DNASE1: variants seen among roughly 807,000 people sequenced by gnomAD.
DNASE1 encodes deoxyribonuclease 1.
In DNASE1, 40 loss-of-function variants were observed where a neutral mutation model predicts 33.9. The ratio of observed to expected loss-of-function variants is 1.18; its 90% CI spans 0.92 to 1.54. DNASE1 has a LOEUF of 1.54. Ranked by LOEUF, DNASE1 falls within the 40% of genes most tolerant of loss-of-function variation. The pLI is 0.00. For missense variants in DNASE1, 518 were observed against 372.6 expected (o/e 1.39, Z -3.21); for synonymous variants, 216 against 160.0 (o/e 1.35, Z -2.64).
At chr16:3,662,364 G>A, downstream of DNASE1, 2 of 603,532 alleles carry the variant, frequency 3.3e-6, no homozygotes, top group Admixed American at 3.0e-5. Flanking sequence ...GTGCCCCGCT[G>A]CTGCCTCCAG....
Position 3,658,063 on chromosome 16 carries a change from A to C in DNASE1, c.*110A>C, listed in dbSNP as rs987986400. 40 of 1,608,300 alleles carry C rather than the reference A, an allele frequency of 2.5e-5. No homozygotes were observed. The highest frequency in any genetic ancestry group is 8.4e-5 in the Admixed American group (5 of 59,246). ...CGGGTTAAGAAATACCTTTAAATTTAGGTAAATAAAGCTCAAGGAGGTGGG... is the reference window on the plus strand; with the variant it reads ...CGGGTTAAGAAATACCTTTAAATTTCGGTAAATAAAGCTCAAGGAGGTGGG... On this transcript the variant is annotated 3_prime_UTR_variant, in exon 9 of 9. Coordinates refer to ENST00000246949, the MANE Select transcript of DNASE1 (RefSeq NM_005223.4).
At chr16:3,617,643 G>A (rs1381104938) in intron 1 of DNASE1, among the ~76,000 whole-genome samples, 1 of 152,148 alleles carries the variant, frequency 6.6e-6, no homozygotes, top group Non-Finnish European at 1.5e-5. Context: ...AGTGCATAAG[G>A]ATAAGGATGG....
upstream of DNASE1, chr16:3,652,235 C>G (rs3810816): frequency 6.6e-6 from 1 of 152,310 alleles, no homozygotes; most frequent in Non-Finnish European, 1.5e-5. Flanking sequence ...GGGGAACCCT[C>G]GTCCCACGTG....
chr16:3,634,391 G>A (rs922886958), intron 1 of DNASE1, among the ~76,000 whole-genome samples: 1 of 151,462 alleles, frequency 6.6e-6, no homozygotes, highest in Non-Finnish European at 1.5e-5. Context: ...ACCATGCCCG[G>A]CTCATTTTTT....
At chr16:3,650,112 T>C (rs1439540923), upstream of DNASE1, among the ~76,000 whole-genome samples, 1 of 152,232 alleles carries the variant, frequency 6.6e-6, no homozygotes, top group Non-Finnish European at 1.5e-5. Flanking sequence ...TTGTGTGAGT[T>C]AATTCATGGA....
downstream of DNASE1, chr16:3,662,594 A>AC (rs942405344): frequency 3.2e-6 from 2 of 623,298 alleles, no homozygotes; most frequent in Admixed American, 4.2e-5. Context: ...CTTGTTTGGA[A>AC]CCCCCACGTC....
At chr16:3,664,598 T>G (rs1237052410) in exon 10 of DNASE1, 1 of 893,786 alleles carries the variant, frequency 1.1e-6, no homozygotes, top group Non-Finnish European at 1.6e-6. Context: ...GGTAGTGGAC[T>G]CGGGGGTTGT....
In DNASE1 at chr16:3,655,977, G is replaced by A. The variant is rs556854495; in HGVS notation, c.236+40G>A. 3.2e-5 allele frequency: 52 copies of A among 1,612,998 alleles called. No homozygotes were observed. In the Middle Eastern group the frequency reaches 5.0e-4, roughly 15 times the overall value. ...CAGGGTCATAGGAAGGTGACATCTC[G>A]TCCACGGCACAGCCTCACTTCACTT... is the stretch of plus-strand genomic sequence containing the variant. On this transcript the variant is annotated intron_variant, in intron 3 of 8. Coordinates refer to ENST00000246949, the MANE Select transcript of DNASE1 (RefSeq NM_005223.4).
rs371345873 is a variant in DNASE1 at position 3,657,064 on chromosome 16, G to A, written c.502G>A (p.Ala168Thr). ...GGGGGACGCAGTAGCCGAGATCGAC[G>A]CTCTCTATGACGTCTACCTGGATGT... is the stretch of plus-strand genomic sequence containing the variant. ...APGDAVAEIDALYDVYLDVQE... is the reference protein window; with the variant it reads ...APGDAVAEIDTLYDVYLDVQE... The change falls in exon 6 of 9, where the codon GCT becomes ACT. Residue 168 changes from alanine (A) to threonine (T), a missense_variant. Coordinates refer to ENST00000246949, the MANE Select transcript of DNASE1 (RefSeq NM_005223.4). 3.5e-5 allele frequency: 57 copies of A among 1,613,838 alleles called. 1 individual carries two copies. Among genetic ancestry groups the A allele is most frequent in the African/African-American group, 3.1e-4 (23 of 74,868 alleles).
downstream of DNASE1, chr16:3,662,275 CCCCATTA>C: frequency 1.0e-6 from 1 of 968,322 alleles, no homozygotes; most frequent in Non-Finnish European, 1.5e-6. Flanking sequence ...GCTGCTCCCT[CCCCATTA>C]CCCACTAACT....
intron 1 of DNASE1, among the ~76,000 whole-genome samples, chr16:3,626,465 A>G (rs886533377): frequency 1.3e-5 from 2 of 152,232 alleles, no homozygotes; most frequent in African/African-American, 4.8e-5. Context: ...ACTGGTTTCT[A>G]GTTTAATTCC....
intron 1 of DNASE1, among the ~76,000 whole-genome samples, chr16:3,616,122 C>T (rs1033366928): frequency 4.6e-5 from 7 of 152,164 alleles, no homozygotes; most frequent in Non-Finnish European, 8.8e-5. Context: ...AAAAGTTATT[C>T]GAGATGAGTT....
exon 10 of DNASE1, chr16:3,663,133 A>G: frequency 1.5e-6 from 1 of 664,630 alleles, no homozygotes; most frequent in Non-Finnish European, 2.5e-6. Flanking sequence ...AGGATGCTTC[A>G]GGTTGCCTGA....
At chr16:3,649,856 A>G (rs946952190), upstream of DNASE1, among the ~76,000 whole-genome samples, 1 of 151,414 alleles carries the variant, frequency 6.6e-6, no homozygotes, top group Non-Finnish European at 1.5e-5. Context: ...TTTAGGCATG[A>G]CATGGGCCTT....
chr16:3,655,150 C>T lies in DNASE1; in HGVS notation c.-2+106C>T, dbSNP rs1002565795. The T allele has an allele frequency of 4.5e-5, 28 of 620,502 alleles. No individual in the cohort carries two copies. In the African/African-American group the frequency reaches 5.2e-4, roughly 11 times the overall value. 38.4% of individuals were successfully genotyped at this position (620,502 alleles called of 1,614,324 possible). ...CGAGTGAGGCGGAGGCTCCAGCGTC[C>T]CTCCCGGGCGGGTTTTCTGGTGGAT... On this transcript the variant is annotated intron_variant, in intron 1 of 8. Transcript: ENST00000246949.
Position 3,657,058 on chromosome 16 carries a change from ATCGACGC to A in DNASE1, c.499_505del (p.Asp167SerfsTer19). The stretch of plus-strand genomic sequence containing the variant: ...GGCCCCGGGGGACGCAGTAGCCGAG[ATCGACGC>A]TCTCTATGACGTCTACCTGGATGTC... On this transcript the variant is annotated frameshift_variant, in exon 6 of 9. Coordinates refer to ENST00000246949, the MANE Select transcript of DNASE1 (RefSeq NM_005223.4). LOFTEE classifies it high-confidence loss of function. 1 of 1,613,932 alleles carries A rather than the reference ATCGACGC, an allele frequency of 6.2e-7. No homozygotes were observed. Among genetic ancestry groups the A allele is most frequent in the Non-Finnish European group, 8.5e-7 (1 of 1,179,976 alleles).
chr16:3,622,622 T>C (rs2041363286), intron 1 of DNASE1, among the ~76,000 whole-genome samples: 1 of 152,144 alleles, frequency 6.6e-6, no homozygotes, highest in South Asian at 2.1e-4. Context: ...TTAAAAAAAT[T>C]TTTTTTCTTT....
At chr16:3,650,289 G>C (rs995186946), upstream of DNASE1, among the ~76,000 whole-genome samples, 1 of 152,082 alleles carries the variant, frequency 6.6e-6, no homozygotes, top group African/African-American at 2.4e-5. Flanking sequence ...TAGAAACCAC[G>C]AGTTATTAAT....
intron 1 of DNASE1, among the ~76,000 whole-genome samples, chr16:3,626,070 A>T (rs188406608): frequency 2.6e-5 from 4 of 152,312 alleles, no homozygotes; most frequent in Non-Finnish European, 1.5e-5. Context: ...ACTGTACTCC[A>T]GCCTGGGCAG....
Sources: allele counts gnomAD v4.1 joint callset (sites outside exome capture counted in the v4.1 genomes callset), GRCh38; gene constraint gnomAD v4.1.1; transcripts MANE v1.5; gene names NCBI Gene and HGNC (gene_info 2026-07-23, HGNC 2026-07-21).